The following MYOM1 variants were observed in gnomAD, a reference collection of about 807,000 sequenced individuals.
MYOM1 encodes the protein myomesin 1.
Under a neutral mutation model 205.3 loss-of-function variants are expected in MYOM1, and 164 were observed. That is an observed-to-expected ratio of 0.80 (90% CI 0.70 to 0.91). The LOEUF (loss-of-function observed/expected upper bound fraction) is 0.91, where lower values mean the gene tolerates loss of function less well. Ranked by LOEUF, MYOM1 falls within the 40% of genes least tolerant of loss-of-function variation. The pLI, the probability that MYOM1 is intolerant of heterozygous loss-of-function variation, is 0.00. For missense variants in MYOM1, 2,011 were observed against 2,127.3 expected (o/e 0.95, Z 1.08); for synonymous variants, 772 against 789.4 (o/e 0.98, Z 0.37).
chr18:3,217,363 T>C (rs142371010), intron 1 of MYOM1, among the ~76,000 whole-genome samples: 1 of 152,314 alleles, frequency 6.6e-6, no homozygotes, highest in Non-Finnish European at 1.5e-5. Context: ...AAGAGATGAC[T>C]CCAAGGTTTT....
At position 3,100,444 on chromosome 18, in the gene MYOM1, T is replaced by C; in HGVS notation, c.3576-18A>G. On this transcript the variant is annotated intron_variant, in intron 23 of 37. Transcript: ENST00000356443. Reference sequence around the variant, plus strand: ...TTTTCGTCCTTCGGAACAAAATATTTTTCTTAGAAATGAGGCTGTGTGGGA... The same window carrying C: ...TTTTCGTCCTTCGGAACAAAATATTCTTCTTAGAAATGAGGCTGTGTGGGA... 6.3e-7 allele frequency: 1 copy of C among 1,590,622 alleles called. No homozygotes were observed. Among genetic ancestry groups the C allele is most frequent in the African/African-American group, 1.3e-5 (1 of 74,470 alleles).
At chr18:3,208,120 C>A (rs1225835789) in intron 2 of MYOM1, among the ~76,000 whole-genome samples, 1 of 152,214 alleles carries the variant, frequency 6.6e-6, no homozygotes, top group Non-Finnish European at 1.5e-5. Context: ...CTAGCTCTCT[C>A]TCCCTGTGTT....
chr18:3,099,141 C>T (rs944843999), intron 25 of MYOM1, among the ~76,000 whole-genome samples: 4 of 152,156 alleles, frequency 2.6e-5, no homozygotes, highest in Non-Finnish European at 4.4e-5. Context: ...GAGAACATTA[C>T]AGCTGAGGCC....
chr18:3,188,750 T>TCCC lies in MYOM1; in HGVS notation c.768_769insGGG (p.Lys256_Thr257insGly), dbSNP rs1467670050. The TCCC allele has an allele frequency of 6.4e-7, 1 of 1,570,088 alleles. No homozygotes were observed. Among genetic ancestry groups the TCCC allele is most frequent in the African/African-American group, 1.4e-5 (1 of 73,644 alleles). On this transcript the variant is annotated inframe_insertion, in exon 4 of 38. Transcript: ENST00000356443. ...TACTTTAAACTGTCTTTTCTTACTG[T>TCCC]TTTCCTCAGGGACAGGCGTTCTGCC...
intron 33 of MYOM1, among the ~76,000 whole-genome samples, chr18:3,080,589 G>A (rs1478158592): frequency 6.6e-6 from 1 of 151,412 alleles, no homozygotes; most frequent in East Asian, 1.9e-4. Flanking sequence ...CAGGAGAATC[G>A]CTTGAACCCG....
intron 30 of MYOM1, 30 bp from the exon 31 acceptor site, chr18:3,085,162 C>A (rs2079135188): frequency 6.7e-7 from 1 of 1,489,532 alleles, no homozygotes; most frequent in Non-Finnish European, 9.2e-7. Flanking sequence ...CCACATTGCA[C>A]CTTTCGTAGC....
In MYOM1 at chr18:3,173,921, T is replaced by C. The variant is rs758438544; in HGVS notation, c.1174+17A>G. Reference sequence around the variant, plus strand: ...TTACATAGAGGTGACACTTAGTAAATGTGTTTTTAAACTTACAGCTGAGGG... The same window carrying C: ...TTACATAGAGGTGACACTTAGTAAACGTGTTTTTAAACTTACAGCTGAGGG... On this transcript the variant is annotated intron_variant, in intron 8 of 37. Coordinates refer to ENST00000356443, the MANE Select transcript of MYOM1 (RefSeq NM_003803.4). 6.8e-6 allele frequency: 11 copies of C among 1,606,984 alleles called. No individual in the cohort carries two copies. Among genetic ancestry groups the C allele is most frequent in the Non-Finnish European group, 9.4e-6 (11 of 1,173,612 alleles).
intron 2 of MYOM1, among the ~76,000 whole-genome samples, chr18:3,210,901 A>C (rs2081183400): frequency 6.6e-6 from 1 of 152,222 alleles, no homozygotes; most frequent in Non-Finnish European, 1.5e-5. Flanking sequence ...TATAAAATGA[A>C]GATAAAAATT....
At chr18:3,105,486 T>C (rs2079440655) in intron 22 of MYOM1, among the ~76,000 whole-genome samples, 1 of 152,186 alleles carries the variant, frequency 6.6e-6, no homozygotes, top group Non-Finnish European at 1.5e-5. Context: ...ATGGAACAAA[T>C]GGTCATCTAA....
chr18:3,083,912 C>A lies in MYOM1; in HGVS notation c.4379-18G>T. The A allele has an allele frequency of 6.4e-7, 1 of 1,574,636 alleles. No individual in the cohort carries two copies. Among genetic ancestry groups the A allele is most frequent in the Admixed American group, 1.9e-5 (1 of 53,562 alleles). ...AGACAAAGCTGAAAGAAGAAAATAG[C>A]ATATTTCATACATCTGCATGCCCCT... On this transcript the variant is annotated intron_variant, in intron 32 of 37. Coordinates refer to ENST00000356443, the MANE Select transcript of MYOM1 (RefSeq NM_003803.4).
At chr18:3,225,546 G>T in the MYOM1 span, among the ~76,000 whole-genome samples, 1 of 152,174 alleles carries the variant, frequency 6.6e-6, no homozygotes, top group South Asian at 2.1e-4. Flanking sequence ...TACAGAGGGG[G>T]AGGAGTGATC....
chr18:3,176,247 T>C, intron 5 of MYOM1, 113 bp from the exon 6 acceptor site: 1 of 640,902 alleles, frequency 1.6e-6, no homozygotes, highest in South Asian at 1.9e-5. Flanking sequence ...GCACTGAGGG[T>C]AGCAGCAGCA....
intron 26 of MYOM1, among the ~76,000 whole-genome samples, chr18:3,091,043 C>T (rs1442019743): frequency 6.6e-6 from 1 of 152,018 alleles, no homozygotes; most frequent in African/African-American, 2.4e-5. Context: ...AGGCTAGGCA[C>T]AGTGGCTCAC....
rs1431101332 is a variant in MYOM1 at position 3,129,302 on chromosome 18, G to A, written c.2724C>T (p.Thr908=). Residue 908 remains threonine (T), a synonymous_variant, in exon 18 of 38, where the codon ACC becomes ACT. Transcript: ENST00000356443. ...KVSETVQEEL[T]PPPQKAAPQG... ...GAGGAGCCGCTTTCTGTGGTGGCGGGGTAAGCTCTTCCTGAACTGTTTCAC... is the reference window on the plus strand; with the variant it reads ...GAGGAGCCGCTTTCTGTGGTGGCGGAGTAAGCTCTTCCTGAACTGTTTCAC... 1.2e-6 allele frequency: 2 copies of A among 1,613,944 alleles called. No homozygotes were observed. Among genetic ancestry groups the A allele is most frequent in the Admixed American group, 3.3e-5 (2 of 60,012 alleles).
intron 3 of MYOM1, among the ~76,000 whole-genome samples, chr18:3,192,486 T>C (rs923508486): frequency 8.5e-5 from 13 of 152,204 alleles, no homozygotes; most frequent in African/African-American, 3.1e-4. Flanking sequence ...CAGAGGGCAA[T>C]GGAAAGAAAA....
At chr18:3,193,794 G>T (rs2080953590) in intron 3 of MYOM1, 24 bp downstream of exon 3, 1 of 1,602,228 alleles carries the variant, frequency 6.2e-7, no homozygotes, top group South Asian at 1.1e-5. Context: ...AAAAATTAAA[G>T]CCAGGAAGAA....
chr18:3,077,029 T>TC (rs2079027926), intron 34 of MYOM1, among the ~76,000 whole-genome samples: 1 of 151,678 alleles, frequency 6.6e-6, no homozygotes, highest in African/African-American at 2.4e-5. Flanking sequence ...TTTTTTTTTT[T>TC]CAAGAGACAG....
intron 11 of MYOM1, among the ~76,000 whole-genome samples, chr18:3,154,180 T>A (rs1383583931): frequency 6.6e-6 from 1 of 152,104 alleles, no homozygotes; most frequent in East Asian, 1.9e-4. Flanking sequence ...TCCAATGATT[T>A]CATTTCCAAG....
At chr18:3,230,210 C>G in the MYOM1 span, among the ~76,000 whole-genome samples, 1 of 152,130 alleles carries the variant, frequency 6.6e-6, no homozygotes, top group Non-Finnish European at 1.5e-5. Context: ...CAGTGCTTTA[C>G]AGATATTATT....
Sources: gnomAD v4.1 joint callset for allele counts (sites outside exome capture counted in the v4.1 genomes callset) on GRCh38, gnomAD v4.1.1 for gene constraint, MANE v1.5 for transcripts, NCBI Gene and HGNC (gene_info 2026-07-23, HGNC 2026-07-21) for gene names.